Variants in CASS4 observed in about 807,000 individuals in gnomAD.
CASS4 encodes the protein cas scaffolding protein family member 4.
A neutral mutation model predicts 54.2 loss-of-function variants in CASS4; 22 were observed. The observed-to-expected ratio is 0.41, with a 90% CI of 0.29 to 0.58. The LOEUF (loss-of-function observed/expected upper bound fraction) is 0.58, where lower values mean the gene tolerates loss of function less well. Ranked by LOEUF, CASS4 falls within the 20% of genes least tolerant of loss-of-function variation. CASS4 has a pLI of 0.36. For synonymous variants in CASS4, 409 were observed against 391.5 expected (o/e 1.04, Z -0.53); for missense variants, 854 against 986.7 (o/e 0.87, Z 1.80).
Position 56,430,924 on chromosome 20 carries a change from C to T in CASS4, c.37-6240C>T, listed in dbSNP as rs1979874526. On this transcript the variant is annotated intron_variant, in intron 1 of 5. Transcript: ENST00000679887. The surrounding 1 kb of genome is among the most constrained non-coding windows in gnomAD (Gnocchi z 4.2). The stretch of plus-strand genomic sequence containing the variant: ...GAGGGTAGAGCTGCAAACTGGGAGG[C>T]TGATCCTGCCTCGAAGCCACACTAG... 6.6e-6 allele frequency among the ~76,000 whole-genome samples: 1 copy of T among 152,184 alleles called. No individual in the cohort carries two copies. The highest frequency in any genetic ancestry group is 2.4e-5 in the African/African-American group (1 of 41,434).
intron 2 of CASS4, among the ~76,000 whole-genome samples, chr20:56,438,486 G>A (rs1476357226): frequency 2.0e-5 from 3 of 152,126 alleles, no homozygotes; most frequent in African/African-American, 4.8e-5. Flanking sequence ...ACAAGCTGCT[G>A]TGCAGTTGTT....
At chr20:56,455,401 G>A (rs1407577553) in intron 5 of CASS4, among the ~76,000 whole-genome samples, 3 of 152,142 alleles carry the variant, frequency 2.0e-5, no homozygotes, top group African/African-American at 7.2e-5. Context: ...GGGCAGATGG[G>A]GTAGAGGGTG....
chr20:56,415,729 C>T (rs184907688), intron 1 of CASS4, among the ~76,000 whole-genome samples: 182 of 152,318 alleles, frequency 1.2e-3, no homozygotes, highest in Non-Finnish European at 2.1e-3. Context: ...GCCTTTCAGA[C>T]CCTGAAGTTC....
Position 56,452,017 on chromosome 20 carries a change from A to C in CASS4, c.841A>C (p.Asn281His), listed in dbSNP as rs1035946876. The change falls in exon 5 of 6, where the codon AAT (asparagine) becomes CAT (histidine). Residue 281 changes from asparagine to histidine, a missense_variant. Physicochemically the swap from Asn to His is moderately conservative, Grantham distance 68. Transcript: ENST00000679887. ...ALPSSSSTFY[N>H]PPSGRSRSLT... The stretch of plus-strand genomic sequence containing the variant: ...CCCCAGTTCCAGCTCCACTTTCTAC[A>C]ATCCTCCAAGTGGCAGATCCAGGTC... 6.2e-7 allele frequency: 1 copy of C among 1,614,168 alleles called. No homozygotes were observed.
At position 56,459,958 on chromosome 20, in the gene CASS4, G is replaced by C. The variant is rs966669582; in HGVS notation, c.*1211G>C. 6.6e-5 allele frequency: 10 copies of C among 152,054 alleles called. No homozygotes were observed. Among genetic ancestry groups the C allele is most frequent in the African/African-American group, 2.4e-4 (10 of 41,372 alleles). The allele number at this position is 152,054 out of a possible 1,614,324, so 9.4% of individuals were successfully genotyped here. A position where few individuals can be genotyped will look rare whatever the true frequency, so the allele number is the denominator to read the frequency against. The stretch of plus-strand genomic sequence containing the variant: ...CAGTATAGCAGGTGCCAGGAAAAAC[G>C]TAAGTAGGGGAAGTGCAAGAGAACT... On this transcript the variant is annotated 3_prime_UTR_variant, in exon 6 of 6. Coordinates refer to ENST00000679887, the MANE Select transcript of CASS4 (RefSeq NM_020356.4).
Position 56,437,453 on chromosome 20 carries a change from C to T in CASS4, c.326C>T (p.Pro109Leu). The change falls in exon 2 of 6, where the codon CCA (proline) becomes CTA (leucine). Residue 109 changes from proline to leucine, a missense_variant. Coordinates refer to ENST00000679887, the MANE Select transcript of CASS4 (RefSeq NM_020356.4). This position sits in a 1 kb window ranked among gnomAD's most constrained non-coding sequence, Gnocchi z 4.7. Reference protein sequence around the residue: ...QVPTLPRPPTPGPVYEQMRSW... With the variant: ...QVPTLPRPPTLGPVYEQMRSW... Reference sequence around the variant, plus strand: ...CCCACTCTACCCCGCCCTCCCACTCCAGGCCCCGTTTATGAGCAGATGAGG... The same window carrying T: ...CCCACTCTACCCCGCCCTCCCACTCTAGGCCCCGTTTATGAGCAGATGAGG... The T allele has an allele frequency of 6.2e-7, 1 of 1,613,874 alleles. No homozygotes were observed. The highest frequency in any genetic ancestry group is 8.5e-7 in the Non-Finnish European group (1 of 1,179,888).
At chr20:56,448,064 C>T (rs905125682) in intron 3 of CASS4, among the ~76,000 whole-genome samples, 20 of 151,572 alleles carry the variant, frequency 1.3e-4, no homozygotes, top group Non-Finnish European at 2.6e-4. Context: ...GTGGCGTGAA[C>T]CCGGGAGGCG....
At position 56,453,089 on chromosome 20, in the gene CASS4, C is replaced by T. The variant is rs2146297396; in HGVS notation, c.1913C>T (p.Ser638Phe). The change falls in exon 5 of 6, where the codon TCT (serine) becomes TTT (phenylalanine). Residue 638 changes from serine to phenylalanine, a missense_variant. By Grantham distance (155) the Ser-to-Phe change is radical (BLOSUM62 -2). Coordinates refer to ENST00000679887, the MANE Select transcript of CASS4 (RefSeq NM_020356.4). ...STKQREDEHS[S>F]ELLKKNRANI... The stretch of plus-strand genomic sequence containing the variant: ...AAGCAAAGGGAAGATGAACACTCTT[C>T]TGAACTATTAAAGAAAAATAGGGCA... 2 of 1,614,004 alleles carry T rather than the reference C, an allele frequency of 1.2e-6. No homozygotes were observed. Among genetic ancestry groups the T allele is most frequent in the Non-Finnish European group, 1.7e-6 (2 of 1,180,014 alleles).
chr20:56,431,203 A>G (rs115147732), intron 1 of CASS4, among the ~76,000 whole-genome samples: 186 of 152,344 alleles, frequency 1.2e-3, no homozygotes, highest in Middle Eastern at 6.8e-3. Context: ...CTGAGATTTC[A>G]TAGAAATAGG....
intron 3 of CASS4, 52 bp downstream of exon 3, chr20:56,446,053 T>A: frequency 8.1e-7 from 1 of 1,228,056 alleles, no homozygotes; most frequent in Non-Finnish European, 1.2e-6. Context: ...GCCCAGAGTC[T>A]GGGGTTCTTG....
intron 2 of CASS4, among the ~76,000 whole-genome samples, chr20:56,443,285 C>T (rs1429518630): frequency 6.6e-6 from 1 of 151,150 alleles, no homozygotes; most frequent in Non-Finnish European, 1.5e-5. Context: ...AGTTCAAAAC[C>T]AGCCTGGCCA....
chr20:56,458,814 G>T lies in CASS4; in HGVS notation c.*67G>T. 1 of 1,441,968 alleles carries T rather than the reference G, an allele frequency of 6.9e-7. No homozygotes were observed. Among genetic ancestry groups the T allele is most frequent in the Non-Finnish European group, 9.3e-7 (1 of 1,078,132 alleles). The allele number at this position is 1,441,968 out of a possible 1,614,324, so 89.3% of individuals were successfully genotyped here. On this transcript the variant is annotated 3_prime_UTR_variant, in exon 6 of 6. Transcript: ENST00000679887. The stretch of plus-strand genomic sequence containing the variant: ...TCACACCCACAACTTGTGCAACTCT[G>T]CCCTATGGGAAAAGCCAGCCGGGGC...
At chr20:56,449,990 T>G (rs1366110849) in intron 3 of CASS4, among the ~76,000 whole-genome samples, 1 of 151,138 alleles carries the variant, frequency 6.6e-6, no homozygotes, top group Non-Finnish European at 1.5e-5. Flanking sequence ...CAACTGCAGT[T>G]AAGGCTCTCT....
In CASS4 at chr20:56,430,669, C is replaced by T. The variant is rs546904897; in HGVS notation, c.37-6495C>T. 6.6e-6 allele frequency among the ~76,000 whole-genome samples: 1 copy of T among 152,148 alleles called. No homozygotes were observed. The highest frequency in any genetic ancestry group is 2.4e-5 in the African/African-American group (1 of 41,426). On this transcript the variant is annotated intron_variant, in intron 1 of 5. Coordinates refer to ENST00000679887, the MANE Select transcript of CASS4 (RefSeq NM_020356.4). The surrounding 1 kb of genome is among the most constrained non-coding windows in gnomAD (Gnocchi z 4.2). ...GTGCTGGCTGCTGCTATTGCAATGT[C>T]CAGTGCTCCCTGCACGCCCAGCCTG... is the stretch of plus-strand genomic sequence containing the variant.
chr20:56,451,382 C>A (rs904086147), intron 4 of CASS4, among the ~76,000 whole-genome samples: 3 of 152,204 alleles, frequency 2.0e-5, no homozygotes, highest in Non-Finnish European at 4.4e-5. Flanking sequence ...TAATTGGATT[C>A]TACCACATGT....
intron 2 of CASS4, among the ~76,000 whole-genome samples, chr20:56,441,487 C>A (rs993940786): frequency 6.6e-6 from 1 of 151,962 alleles, no homozygotes; most frequent in Non-Finnish European, 1.5e-5. Flanking sequence ...CATCTGTAGT[C>A]CCAACTACTC....
At chr20:56,433,231 G>A (rs1355820026) in intron 1 of CASS4, among the ~76,000 whole-genome samples, 5 of 152,150 alleles carry the variant, frequency 3.3e-5, no homozygotes, top group African/African-American at 7.2e-5. Context: ...TGGTCAAGAG[G>A]GTGTCAGGGA....
At position 56,412,492 on chromosome 20, in the gene CASS4, A is replaced by G; in HGVS notation, c.34A>G (p.Lys12Glu). 6.2e-7 allele frequency: 1 copy of G among 1,612,188 alleles called. No homozygotes were observed. The highest frequency in any genetic ancestry group is 8.5e-7 in the Non-Finnish European group (1 of 1,179,088). ...KGTGIMDCAP[K>E]ALLARALYDN... ...AACAGGCATCATGGACTGTGCGCCC[A>G]AGGTGAGTGATGTGGGGCTGTTTGA... Residue 12 changes from lysine to glutamate, a missense_variant and splice_region_variant, in exon 1 of 6, where the codon AAG becomes GAG. Transcript: ENST00000679887. The surrounding 1 kb of genome is among the most constrained non-coding windows in gnomAD (Gnocchi z 4.2).
intron 1 of CASS4, among the ~76,000 whole-genome samples, chr20:56,413,138 T>C (rs1232862601): frequency 6.9e-6 from 1 of 145,856 alleles, no homozygotes; most frequent in Non-Finnish European, 1.5e-5. Flanking sequence ...GAAGTTTGAG[T>C]CCAGCCTGGG....
Sources: allele counts gnomAD v4.1 joint callset (sites outside exome capture counted in the v4.1 genomes callset), GRCh38; gene constraint gnomAD v4.1.1; non-coding constraint Gnocchi (gnomAD v3.1); transcripts MANE v1.5; gene names NCBI Gene and HGNC (gene_info 2026-07-23, HGNC 2026-07-21).